The following MAML2 variants were observed in gnomAD, a reference collection of about 807,000 sequenced individuals.
MAML2 encodes mastermind like transcriptional coactivator 2, also known as mastermind-like protein 2.
Under a neutral mutation model 96.1 loss-of-function variants are expected in MAML2, and 22 were observed. The ratio of observed to expected loss-of-function variants is 0.23; its 90% CI spans 0.16 to 0.33. The LOEUF is 0.33. Among genes scored for constraint, MAML2 ranks in the 10% least tolerant of loss-of-function variants. The pLI, the probability that MAML2 is intolerant of heterozygous loss-of-function variation, is 1.00. For missense variants in MAML2, 1,367 were observed against 1,392.4 expected (o/e 0.98, Z 0.29); for synonymous variants, 561 against 521.3 (o/e 1.08, Z -1.04).
Position 95,985,549 on chromosome 11 carries a change from G to A in MAML2, c.2437C>T (p.Pro813Ser), listed in dbSNP as rs756827374. ...DQRRNVGNMQ[P>S]TAQYSGGSST... ...CACTTACCAGAATACTGAGCAGTTG[G>A]TTGCATATTGCCCACATTTCTTCTT... The change falls in exon 4 of 5, where the codon CCA becomes TCA. Residue 813 changes from proline to serine, a missense_variant. Coordinates refer to ENST00000524717, the MANE Select transcript of MAML2 (RefSeq NM_032427.4). 3.1e-6 allele frequency: 5 copies of A among 1,606,568 alleles called. No homozygotes were observed. Among genetic ancestry groups the A allele is most frequent in the Admixed American group, 1.7e-5 (1 of 59,860 alleles).
intron 2 of MAML2, among the ~76,000 whole-genome samples, chr11:96,044,632 T>C (rs982935777): frequency 7.3e-5 from 11 of 151,178 alleles, no homozygotes; most frequent in African/African-American, 2.4e-4. Flanking sequence ...TTAGAAAGGA[T>C]TGTGACTGCA....
chr11:96,109,493 G>C (rs549938360), intron 1 of MAML2, among the ~76,000 whole-genome samples: 4 of 152,296 alleles, frequency 2.6e-5, no homozygotes, highest in East Asian at 1.9e-4. Context: ...GTGAAAGCTG[G>C]ACCTGGGCTA....
At chr11:96,168,919 A>T (rs769937804) in intron 1 of MAML2, among the ~76,000 whole-genome samples, 3 of 152,230 alleles carry the variant, frequency 2.0e-5, no homozygotes, top group Non-Finnish European at 4.4e-5. Context: ...GCAACGCAGC[A>T]ATGGTATTTA....
At chr11:96,296,180 C>T (rs1863296659) in intron 1 of MAML2, among the ~76,000 whole-genome samples, 1 of 152,106 alleles carries the variant, frequency 6.6e-6, no homozygotes, top group African/African-American at 2.4e-5. Context: ...GGACTACAGG[C>T]ACACACCATC....
intron 1 of MAML2, among the ~76,000 whole-genome samples, chr11:96,127,803 T>G (rs1448831744): frequency 4.6e-5 from 7 of 152,200 alleles, no homozygotes; most frequent in Admixed American, 4.6e-4. Context: ...CAACCTAAAC[T>G]TCCTTTCTTG....
At chr11:96,085,066 G>C (rs1392046407) in intron 2 of MAML2, among the ~76,000 whole-genome samples, 1 of 152,144 alleles carries the variant, frequency 6.6e-6, no homozygotes, top group East Asian at 1.9e-4. Flanking sequence ...TTATTGCTTG[G>C]AGAATTAGGC....
chr11:96,324,398 G>A (rs555996351), intron 1 of MAML2, among the ~76,000 whole-genome samples: 98 of 152,192 alleles, frequency 6.4e-4, no homozygotes, highest in Non-Finnish European at 1.2e-3. Context: ...TTTTTAATGT[G>A]TTGAACCAAA....
intron 2 of MAML2, among the ~76,000 whole-genome samples, chr11:96,024,056 C>A (rs911865059): frequency 9.2e-5 from 14 of 152,152 alleles, no homozygotes; most frequent in African/African-American, 3.1e-4. Context: ...ATCAAAGACA[C>A]AAAATAGCTG....
At chr11:96,027,343 T>C (rs1163225463) in intron 2 of MAML2, among the ~76,000 whole-genome samples, 1 of 152,196 alleles carries the variant, frequency 6.6e-6, no homozygotes, top group Non-Finnish European at 1.5e-5. Flanking sequence ...GTTTTACAGA[T>C]GAGGAAGCCA....
chr11:96,175,155 T>C (rs1855019396), intron 1 of MAML2, among the ~76,000 whole-genome samples: 2 of 152,204 alleles, frequency 1.3e-5, no homozygotes, highest in Non-Finnish European at 2.9e-5. Flanking sequence ...TTTAGGAGTC[T>C]TGCATGCAAC....
Position 96,341,879 on chromosome 11 carries a change from G to A in MAML2, c.17C>T (p.Pro6Leu). 1 of 1,533,548 alleles carries A rather than the reference G, an allele frequency of 6.5e-7. No homozygotes were observed. 95.0% of individuals were successfully genotyped at this position (1,533,548 alleles called of 1,614,324 possible). A position where few individuals can be genotyped will look rare whatever the true frequency, so the allele number is the denominator to read the frequency against. ...TAGCCCTCCTGCGGGGGCCTGCGGG[G>A]GCGCTGTGTCCCCCATCTTACCGGA... MGDTA[P>L]PQAPAGGLGG... Residue 6 changes from proline (P) to leucine (L), a missense_variant, in exon 1 of 5, where the codon CCC becomes CTC. By Grantham distance (98) the Pro-to-Leu change is moderately conservative (BLOSUM62 -3). Coordinates refer to ENST00000524717, the MANE Select transcript of MAML2 (RefSeq NM_032427.4).
chr11:96,204,433 T>G (rs1275609449), intron 1 of MAML2, among the ~76,000 whole-genome samples: 1 of 152,142 alleles, frequency 6.6e-6, no homozygotes, highest in African/African-American at 2.4e-5. Context: ...TAACAGAAAT[T>G]TGCAAAAGTG....
chr11:96,136,568 A>G (rs1037365853), intron 1 of MAML2, among the ~76,000 whole-genome samples: 7 of 152,084 alleles, frequency 4.6e-5, no homozygotes, highest in African/African-American at 1.7e-4. Flanking sequence ...TTTCACATCC[A>G]AAGTTGGGGA....
At chr11:96,278,524 A>G (rs1863020687) in intron 1 of MAML2, among the ~76,000 whole-genome samples, 1 of 152,198 alleles carries the variant, frequency 6.6e-6, no homozygotes, top group Non-Finnish European at 1.5e-5. Context: ...AGACATTATG[A>G]TTGACTGAGT....
At chr11:96,328,137 G>C (rs1863810191) in intron 1 of MAML2, among the ~76,000 whole-genome samples, 1 of 152,120 alleles carries the variant, frequency 6.6e-6, no homozygotes, top group South Asian at 2.1e-4. Context: ...ATATGTGTGT[G>C]TGCATGTGTG....
rs1192729779 is a variant in MAML2 at position 95,979,220 on chromosome 11, T to C, written c.3199A>G (p.Thr1067Ala). ...CCCGTCCTCGACTGATTCAACCCTG[T>C]TCCTGACTGATTCAAATTAGGCAAA... ...QILPNLNQSG[T>A]GLNQSRTGIN... is the part of the protein sequence containing the mutation. Residue 1067 changes from threonine (T) to alanine (A), a missense_variant, in exon 5 of 5, where the codon ACA becomes GCA. Coordinates refer to ENST00000524717, the MANE Select transcript of MAML2 (RefSeq NM_032427.4). 3 of 1,613,906 alleles carry C rather than the reference T, an allele frequency of 1.9e-6. No homozygotes were observed. The highest frequency in any genetic ancestry group is 4.5e-5 in the East Asian group (2 of 44,896).
At chr11:96,159,488 G>T (rs868402396) in intron 1 of MAML2, among the ~76,000 whole-genome samples, 2 of 54,094 alleles carry the variant, frequency 3.7e-5, no homozygotes, top group Non-Finnish European at 9.0e-5. Context: ...TCTCGGCTGC[G>T]AGCCGAGATC....
intron 2 of MAML2, among the ~76,000 whole-genome samples, chr11:96,080,425 G>A (rs1001057514): frequency 1.1e-4 from 16 of 152,138 alleles, no homozygotes; most frequent in Admixed American, 8.5e-4. Context: ...CTATATTTAC[G>A]TGTTACTTTG....
At chr11:96,140,305 T>C (rs1331139080) in intron 1 of MAML2, among the ~76,000 whole-genome samples, 1 of 152,268 alleles carries the variant, frequency 6.6e-6, no homozygotes, top group African/African-American at 2.4e-5. Context: ...TGACAAGTTA[T>C]ATTTTTCTTG....
Sources: gnomAD v4.1 joint callset for allele counts (sites outside exome capture counted in the v4.1 genomes callset) on GRCh38, gnomAD v4.1.1 for gene constraint, MANE v1.5 for transcripts, NCBI Gene and HGNC (gene_info 2026-07-23, HGNC 2026-07-21) for gene names.